NOD2: variants seen among roughly 807,000 people sequenced by gnomAD.
The protein encoded by NOD2 is nucleotide binding oligomerization domain containing 2.
Under a neutral mutation model 90.9 loss-of-function variants are expected in NOD2, and 86 were observed. The ratio of observed to expected loss-of-function variants is 0.95; its 90% CI spans 0.79 to 1.13. NOD2 has a LOEUF of 1.13. NOD2 is among the 50% of genes most tolerant of loss of function. The probability of loss-of-function intolerance (pLI) is 0.00; values close to 1 mark genes in which losing one functional copy is unlikely to be tolerated. For synonymous variants in NOD2, 581 were observed against 554.6 expected (o/e 1.05, Z -0.67); for missense variants, 1,238 against 1,283.8 (o/e 0.96, Z 0.55).
chr16:50,712,457 G>A, intron 4 of NOD2, 84 bp downstream of exon 4: 1 of 1,568,582 alleles, frequency 6.4e-7, no homozygotes, highest in South Asian at 1.1e-5. Context: ...GGCTCTAGAA[G>A]TCTGGGCCCA....
intron 7 of NOD2, among the ~76,000 whole-genome samples, chr16:50,721,365 G>C (rs1233863256): frequency 9.5e-6 from 1 of 105,072 alleles, no homozygotes; most frequent in Non-Finnish European, 1.9e-5. Flanking sequence ...TAACTTGCTT[G>C]GTTTTTTTTT....
At chr16:50,720,119 A>G in intron 7 of NOD2, 111 bp downstream of exon 7, 2 of 922,224 alleles carry the variant, frequency 2.2e-6, no homozygotes, top group South Asian at 1.5e-5. Flanking sequence ...GCCCAGCTCC[A>G]GTGGGGAGGA....
At chr16:50,726,556 C>T (rs946866883) in intron 10 of NOD2, among the ~76,000 whole-genome samples, 5 of 152,268 alleles carry the variant, frequency 3.3e-5, no homozygotes, top group African/African-American at 9.6e-5. Context: ...AGCCAGATGC[C>T]AGCTTTGCAC....
rs1174403599 is a variant in NOD2 at position 50,699,779 on chromosome 16, G to A, written c.284G>A (p.Cys95Tyr). Residue 95 changes from cysteine (C) to tyrosine (Y), a missense_variant, in exon 2 of 12, where the codon TGC becomes TAC. This residue lies in a region of NOD2 where 567 missense variants were observed against 577.3 expected (regional missense o/e 0.98). Coordinates refer to ENST00000647318, the MANE Select transcript of NOD2 (RefSeq NM_001370466.1). ...ADSQSPKLHG[C>Y]WDPHSLHPAR... is the part of the protein sequence containing the mutation. ...AGCCAGTCCCCCAAGCTGCATGGCTGCTGGGACCCCCACTCGCTCCACCCA... is the reference window on the plus strand; with the variant it reads ...AGCCAGTCCCCCAAGCTGCATGGCTACTGGGACCCCCACTCGCTCCACCCA... 1.2e-6 allele frequency: 2 copies of A among 1,613,860 alleles called. No homozygotes were observed. The highest frequency in any genetic ancestry group is 1.3e-5 in the African/African-American group (1 of 75,056).
chr16:50,694,146 C>T (rs1028881943), intron 1 of NOD2, among the ~76,000 whole-genome samples: 2 of 152,166 alleles, frequency 1.3e-5, no homozygotes, highest in Admixed American at 6.5e-5. Flanking sequence ...ATGGAGCAGC[C>T]ATCTGGTCCT....
chr16:50,711,571 G>T lies in NOD2; in HGVS notation c.1579G>T (p.Ala527Ser), dbSNP rs768274192. ...CACCCTCCTGCACCTGGGCAGACTGGCTCTGTGGGGCCTGGGCATGTGCTG... is the reference window on the plus strand; with the variant it reads ...CACCCTCCTGCACCTGGGCAGACTGTCTCTGTGGGGCCTGGGCATGTGCTG... ...LPTLLHLGRL[A>S]LWGLGMCCYV... The change falls in exon 4 of 12, where the codon GCT becomes TCT. Residue 527 changes from alanine to serine, a missense_variant. Ala to Ser is a moderately conservative substitution (Grantham distance 99). Around this residue, in one of 3 missense-constraint regions of NOD2, gnomAD observed 667 missense variants for 688.7 expected, o/e 0.97. Coordinates refer to ENST00000647318, the MANE Select transcript of NOD2 (RefSeq NM_001370466.1). 1.2e-6 allele frequency: 2 copies of T among 1,611,984 alleles called. No homozygotes were observed. Among genetic ancestry groups the T allele is most frequent in the Non-Finnish European group, 1.7e-6 (2 of 1,180,012 alleles).
In NOD2 at chr16:50,725,546, G is replaced by A. The variant is rs749533773; in HGVS notation, c.2859G>A (p.Lys953=). ...TATGTTCTCTCGCAGAAGGACTGAA[G>A]AAAAATTCAAGTTTGAAAATCCTGA... is the stretch of plus-strand genomic sequence containing the variant. The part of the protein sequence containing the change: ...EGVCSLAEGL[K]KNSSLKILKL... Residue 953 remains lysine (K), a synonymous_variant, in exon 10 of 12, where the codon AAG becomes AAA. Coordinates refer to ENST00000647318, the MANE Select transcript of NOD2 (RefSeq NM_001370466.1). The A allele has an allele frequency of 6.2e-7, 1 of 1,614,018 alleles. No homozygotes were observed. Among genetic ancestry groups the A allele is most frequent in the Admixed American group, 1.7e-5 (1 of 60,020 alleles).
At chr16:50,723,857 G>T (rs1263460104) in intron 9 of NOD2, among the ~76,000 whole-genome samples, 1 of 152,126 alleles carries the variant, frequency 6.6e-6, no homozygotes, top group Non-Finnish European at 1.5e-5. Flanking sequence ...TAGAATAATG[G>T]CAGGGTTACT....
chr16:50,722,228 T>A (rs1397930678), intron 7 of NOD2, among the ~76,000 whole-genome samples: 1 of 152,144 alleles, frequency 6.6e-6, no homozygotes, highest in East Asian at 1.9e-4. Flanking sequence ...GTTAGACTTG[T>A]TATGGGCAGG....
intron 3 of NOD2, among the ~76,000 whole-genome samples, chr16:50,708,897 G>A (rs1964326574): frequency 6.6e-6 from 1 of 152,190 alleles, no homozygotes; most frequent in Non-Finnish European, 1.5e-5. Context: ...CAGGGTGCGC[G>A]GCACGGAGTG....
At chr16:50,724,785 C>T (rs779278123) in intron 9 of NOD2, among the ~76,000 whole-genome samples, 3 of 152,198 alleles carry the variant, frequency 2.0e-5, no homozygotes, top group Non-Finnish European at 4.4e-5. Context: ...CAGAATACCT[C>T]CATCTATAGA....
intron 10 of NOD2, chr16:50,728,903 A>G (rs1173386471): frequency 6.5e-6 from 1 of 152,708 alleles, no homozygotes; most frequent in Non-Finnish European, 1.5e-5. Flanking sequence ...ATTACTGCTC[A>G]TTGGTTATTT....
Position 50,699,627 on chromosome 16 carries a change from C to T in NOD2, c.132C>T (p.Tyr44=), listed in dbSNP as rs754402504. The T allele has an allele frequency of 2.7e-5, 44 of 1,613,948 alleles. No individual in the cohort carries two copies. The highest frequency in any genetic ancestry group is 5.0e-5 in the Admixed American group (3 of 59,994). Residue 44 remains tyrosine (Y), a synonymous_variant, in exon 2 of 12, where the codon TAC becomes TAT. Coordinates refer to ENST00000647318, the MANE Select transcript of NOD2 (RefSeq NM_001370466.1). ...GGGAGGTCCTCTCCTGGGAGGACTA[C>T]GAGGGCTTCCACCTCCTGGGCCAGC... ...LSWEVLSWED[Y]EGFHLLGQPL...
intron 1 of NOD2, chr16:50,698,014 A>G (rs1169748832): frequency 6.5e-6 from 1 of 153,624 alleles, no homozygotes; most frequent in Non-Finnish European, 1.5e-5. Flanking sequence ...AGGGAGAGAG[A>G]CACATAAACA....
chr16:50,696,881 C>T (rs5743262), intron 1 of NOD2, among the ~76,000 whole-genome samples: 1 of 152,214 alleles, frequency 6.6e-6, no homozygotes. Context: ...ACGTCACTAG[C>T]TGGGGTGTGT....
intron 2 of NOD2, among the ~76,000 whole-genome samples, 184 bp downstream of exon 2, chr16:50,700,138 CTTCTT>C (rs1317957535): frequency 3.9e-5 from 6 of 152,090 alleles, no homozygotes; most frequent in Non-Finnish European, 4.4e-5. Flanking sequence ...CTCTTTCTTT[CTTCTT>C]TTCTTTTCTT....
intron 2 of NOD2, among the ~76,000 whole-genome samples, chr16:50,706,078 T>C (rs1964174209): frequency 6.6e-6 from 1 of 152,154 alleles, no homozygotes; most frequent in South Asian, 2.1e-4. Context: ...AAGGTGAAAT[T>C]CAAGTAAAGA....
At chr16:50,697,505 G>T in intron 1 of NOD2, 1 of 676,036 alleles carries the variant, frequency 1.5e-6, no homozygotes, top group Non-Finnish European at 2.7e-6. Context: ...GGGGGCCGCT[G>T]TCGCATCCTT....
intron 1 of NOD2, among the ~76,000 whole-genome samples, chr16:50,694,455 G>T (rs916805333): frequency 6.6e-6 from 1 of 152,158 alleles, no homozygotes; most frequent in Non-Finnish European, 1.5e-5. Flanking sequence ...GGGCTGCTGG[G>T]GCCCCTGAGT....
Sources: allele counts gnomAD v4.1 joint callset (sites outside exome capture counted in the v4.1 genomes callset), GRCh38; gene constraint gnomAD v4.1.1; regional missense constraint gnomAD v4.1.1; transcripts MANE v1.5; gene names NCBI Gene and HGNC (gene_info 2026-07-23, HGNC 2026-07-21).